The following SLC25A19 variants were observed in gnomAD, a reference collection of about 807,000 sequenced individuals.
SLC25A19 encodes solute carrier family 25 member 19.
Under a neutral mutation model 27.9 loss-of-function variants are expected in SLC25A19, and 18 were observed. The ratio of observed to expected loss-of-function variants is 0.64; its 90% CI spans 0.45 to 0.96. The LOEUF is 0.96. Among genes scored for constraint, SLC25A19 ranks in the 40% least tolerant of loss-of-function variants. The pLI, the probability that SLC25A19 is intolerant of heterozygous loss-of-function variation, is 0.00. For synonymous variants in SLC25A19, 169 were observed against 167.1 expected (o/e 1.01, Z -0.09); for missense variants, 371 against 418.3 (o/e 0.89, Z 0.99).
chr17:75,273,768 A>ATTTTAT (rs5822079), intron 7 of SLC25A19, 129 bp from the exon 8 acceptor site: 3 of 969,052 alleles, frequency 3.1e-6, no homozygotes, highest in Non-Finnish European at 4.7e-6. Context: ...AAATTATTTT[A>ATTTTAT]TTTTTTCGTT....
chr17:75,277,541 CAACTT>C (rs1018385788), intron 6 of SLC25A19, 58 bp from the exon 7 acceptor site: 3 of 1,606,582 alleles, frequency 1.9e-6, no homozygotes, highest in Non-Finnish European at 2.6e-6. Flanking sequence ...CTATGGGTGA[CAACTT>C]AAAAGGCGTC....
chr17:75,283,428 G>A lies in SLC25A19; in HGVS notation c.454C>T (p.Pro152Ser). ...TCTGGCTCCTGGCCACTCACCTTGG[G>A]CTCACCCTGAGCTGCAAAGCGGGTG... is the stretch of plus-strand genomic sequence containing the variant. ...LRTRFAAQGE[P>S]KVYNTLRHAV... Residue 152 changes from proline (P) to serine (S), a missense_variant, in exon 5 of 8, where the codon CCC becomes TCC. Physicochemically the swap from Pro to Ser is moderately conservative, Grantham distance 74 (BLOSUM62 -1). Coordinates refer to ENST00000416858, the MANE Select transcript of SLC25A19 (RefSeq NM_001126121.2). The A allele has an allele frequency of 6.2e-7, 1 of 1,611,808 alleles. No individual in the cohort carries two copies. Among genetic ancestry groups the A allele is most frequent in the Non-Finnish European group, 8.5e-7 (1 of 1,179,704 alleles).
rs772579083 is a variant in SLC25A19 at position 75,278,215 on chromosome 17, A to G, written c.580T>C (p.Ser194Pro). Residue 194 changes from serine (S) to proline (P), a missense_variant, in exon 6 of 8, where the codon TCT becomes CCT. Coordinates refer to ENST00000416858, the MANE Select transcript of SLC25A19 (RefSeq NM_001126121.2). ...AGGTGCTTCAAGGAGCTGTAGCAAGAGAACTGCAGCCCGGCGTAGGGGAAG... is the reference window on the plus strand; with the variant it reads ...AGGTGCTTCAAGGAGCTGTAGCAAGGGAACTGCAGCCCGGCGTAGGGGAAG... ...AIFPYAGLQF[S>P]CYSSLKHLYK... 1.9e-6 allele frequency: 3 copies of G among 1,613,932 alleles called. No homozygotes were observed. Among genetic ancestry groups the G allele is most frequent in the African/African-American group, 1.3e-5 (1 of 74,908 alleles).
chr17:75,286,781 C>T lies in SLC25A19; in HGVS notation c.-17G>A. The T allele has an allele frequency of 6.2e-7, 1 of 1,614,106 alleles. No homozygotes were observed. The highest frequency in any genetic ancestry group is 1.1e-5 in the South Asian group (1 of 91,062). ...GCCAACCATCCCTGCCTCTGGCCCA[C>T]ACAATGTCCATCAGTATCAAGCTAA... is the stretch of plus-strand genomic sequence containing the variant. On this transcript the variant is annotated 5_prime_UTR_variant, in exon 3 of 8. The change creates a new upstream start codon in the 5' untranslated region. Coordinates refer to ENST00000416858, the MANE Select transcript of SLC25A19 (RefSeq NM_001126121.2).
chr17:75,285,560 A>C (rs1187506595), intron 4 of SLC25A19, among the ~76,000 whole-genome samples: 1 of 152,226 alleles, frequency 6.6e-6, no homozygotes, highest in Non-Finnish European at 1.5e-5. Context: ...TCACAGGAAG[A>C]GTAGGAAGGG....
rs376716363 is a variant in SLC25A19 at position 75,278,331 on chromosome 17, T to C, written c.464A>G (p.Tyr155Cys). 6.8e-6 allele frequency: 11 copies of C among 1,613,944 alleles called. No individual in the cohort carries two copies. In the East Asian group the frequency reaches 8.9e-5, roughly 13 times the overall value. ...CCCCACGGCGTGGCGCAGCGTATTA[T>C]AGACCTGGACACACACACGCACTTT... is the stretch of plus-strand genomic sequence containing the variant. Reference protein sequence around the residue: ...RFAAQGEPKVYNTLRHAVGTM... With the variant: ...RFAAQGEPKVCNTLRHAVGTM... The change falls in exon 6 of 8, where the codon TAT becomes TGT. Residue 155 changes from tyrosine (Y) to cysteine (C), a missense_variant. Physicochemically the swap from Tyr to Cys is radical, Grantham distance 194. Coordinates refer to ENST00000416858, the MANE Select transcript of SLC25A19 (RefSeq NM_001126121.2).
chr17:75,286,191 G>A (rs2078175644), intron 4 of SLC25A19, 113 bp downstream of exon 4: 1 of 1,345,316 alleles, frequency 7.4e-7, no homozygotes, highest in Admixed American at 1.7e-5. Context: ...GGAAGCGTGG[G>A]GCCTGCCTCT....
chr17:75,283,302 A>G (rs527540081), intron 5 of SLC25A19, 121 bp downstream of exon 5: 50 of 1,165,164 alleles, frequency 4.3e-5, no homozygotes, highest in Admixed American at 3.5e-4. Flanking sequence ...TTCTGTCTCA[A>G]ACAAAACAAA....
At chr17:75,284,100 G>T (rs1418721243) in intron 4 of SLC25A19, among the ~76,000 whole-genome samples, 1 of 151,452 alleles carries the variant, frequency 6.6e-6, no homozygotes, top group Non-Finnish European at 1.5e-5. Context: ...GGGCGACAGA[G>T]CAAGACTCGG....
chr17:75,282,965 G>T (rs1479465640), intron 5 of SLC25A19, among the ~76,000 whole-genome samples: 2 of 148,950 alleles, frequency 1.3e-5, no homozygotes, highest in Non-Finnish European at 3.0e-5. Flanking sequence ...ACTCCAGCCT[G>T]GCAACAGAGC....
At chr17:75,276,346 C>G (rs553527048) in intron 7 of SLC25A19, among the ~76,000 whole-genome samples, 1 of 152,290 alleles carries the variant, frequency 6.6e-6, no homozygotes, top group East Asian at 1.9e-4. Flanking sequence ...AATTCCAGAA[C>G]AGCTACAGCA....
intron 7 of SLC25A19, among the ~76,000 whole-genome samples, chr17:75,276,918 C>T (rs965208151): frequency 6.7e-6 from 1 of 150,164 alleles, no homozygotes; most frequent in Admixed American, 6.6e-5. Flanking sequence ...CTCCTGACCT[C>T]GTGATCCACC....
chr17:75,276,337 A>G (rs936484006), intron 7 of SLC25A19, among the ~76,000 whole-genome samples: 1 of 152,194 alleles, frequency 6.6e-6, no homozygotes. Context: ...AATTCACCCA[A>G]TTCCAGAACA....
Position 75,277,468 on chromosome 17 carries a change from A to T in SLC25A19, c.659T>A (p.Leu220Gln). 6.2e-7 allele frequency: 1 copy of T among 1,613,990 alleles called. No individual in the cohort carries two copies. The highest frequency in any genetic ancestry group is 8.5e-7 in the Non-Finnish European group (1 of 1,179,918). ...EGKKNENLQN[L>Q]LCGSGAGVIS... ...GACACCAGCTCCACTGCCACAAAGC[A>T]GGTTTTGGAGGTTCTCTGAACCAGA... The change falls in exon 7 of 8, where the codon CTG becomes CAG. Residue 220 changes from leucine to glutamine, a missense_variant. Physicochemically the swap from Leu to Gln is moderately radical, Grantham distance 113. Coordinates refer to ENST00000416858, the MANE Select transcript of SLC25A19 (RefSeq NM_001126121.2).
At position 75,286,660 on chromosome 17, in the gene SLC25A19, G is replaced by A. The variant is rs758127625; in HGVS notation, c.105C>T (p.Pro35=). The A allele has an allele frequency of 1.2e-6, 2 of 1,614,154 alleles. No individual in the cohort carries two copies. The highest frequency in any genetic ancestry group is 1.7e-6 in the Non-Finnish European group (2 of 1,180,032). Residue 35 remains proline (P), a synonymous_variant, in exon 3 of 8, where the codon CCC becomes CCT. Coordinates refer to ENST00000416858, the MANE Select transcript of SLC25A19 (RefSeq NM_001126121.2). ...GGAAACGGATCTTGATGACGTCGAA[G>A]GGACTGATCAGCGCCCGAGTAACAA... ...SGLVTRALIS[P]FDVIKIRFQL... is the part of the protein sequence containing the mutation.
intron 7 of SLC25A19, 97 bp from the exon 8 acceptor site, chr17:75,273,736 A>T: frequency 8.4e-7 from 1 of 1,196,514 alleles, no homozygotes; most frequent in Non-Finnish European, 1.2e-6. Context: ...CTTGCTGGAC[A>T]AAGAAATGAA....
chr17:75,283,402 G>C (rs370148992), intron 5 of SLC25A19, 21 bp downstream of exon 5: 179 of 1,610,626 alleles, frequency 1.1e-4, no homozygotes, highest in Non-Finnish European at 1.5e-4. Flanking sequence ...GGCTTCCCCG[G>C]TCTGGCTCCT....
rs1208196219 is a variant in SLC25A19 at position 75,286,298 on chromosome 17, AC to A, written c.288+5del. The stretch of plus-strand genomic sequence containing the variant: ...CAGAGGTCTGGCCAGGTCCCTTGCC[AC>A]CTACTTGGACAGCTCCATAGCCTAT... On this transcript the variant is annotated splice_donor_5th_base_variant and intron_variant, in intron 4 of 7. Transcript: ENST00000416858. The A allele has an allele frequency of 1.2e-6, 2 of 1,613,622 alleles. No individual in the cohort carries two copies. Among genetic ancestry groups the A allele is most frequent in the Admixed American group, 3.3e-5 (2 of 59,996 alleles).
chr17:75,288,469 G>T (rs556569812), intron 2 of SLC25A19, 33 bp downstream of exon 2: 6 of 151,482 alleles, frequency 4.0e-5, no homozygotes, highest in Admixed American at 2.0e-4. Flanking sequence ...TTCCTTTTTT[G>T]TAAAAACAAA....
Sources: gnomAD v4.1 joint callset for allele counts (sites outside exome capture counted in the v4.1 genomes callset) on GRCh38, gnomAD v4.1.1 for gene constraint, MANE v1.5 for transcripts, NCBI Gene and HGNC (gene_info 2026-07-23, HGNC 2026-07-21) for gene names.